SMURF2: variants seen among roughly 807,000 people sequenced by gnomAD.
SMURF2 encodes the protein E3 ubiquitin-protein ligase SMURF2.
Under a neutral mutation model 109.6 loss-of-function variants are expected in SMURF2, and 48 were observed. That is an observed-to-expected ratio of 0.44 (90% CI 0.35 to 0.56). The LOEUF (loss-of-function observed/expected upper bound fraction) is 0.56, where lower values mean the gene tolerates loss of function less well. Ranked by LOEUF, SMURF2 falls within the 20% of genes least tolerant of loss-of-function variation. The probability of loss-of-function intolerance (pLI) is 0.01; values close to 1 mark genes in which losing one functional copy is unlikely to be tolerated. For missense variants in SMURF2, 575 were observed against 909.0 expected (o/e 0.63, Z 4.72); for synonymous variants, 288 against 317.1 (o/e 0.91, Z 0.97).
chr17:64,645,363 G>A (rs1568208770), intron 1 of SMURF2, among the ~76,000 whole-genome samples: 1 of 152,146 alleles, frequency 6.6e-6, no homozygotes, highest in African/African-American at 2.4e-5. Flanking sequence ...GACCTCTTCC[G>A]GATTCTGATT....
chr17:64,633,643 A>C (rs1344714253), intron 1 of SMURF2, among the ~76,000 whole-genome samples: 1 of 152,196 alleles, frequency 6.6e-6, no homozygotes, highest in Non-Finnish European at 1.5e-5. Context: ...GAATTATCTT[A>C]CAACTTCAGT....
At chr17:64,649,152 A>G (rs1250218068) in intron 1 of SMURF2, among the ~76,000 whole-genome samples, 1 of 152,188 alleles carries the variant, frequency 6.6e-6, no homozygotes, top group Admixed American at 6.5e-5. Flanking sequence ...AGCTCACACT[A>G]AAGTATGATT....
chr17:64,545,716 T>TAAAA lies in SMURF2; in HGVS notation c.*128_*131dup, dbSNP rs1555683029. The TAAAA allele has an allele frequency of 1.5e-5, 2 of 134,534 alleles. No homozygotes were observed. Among genetic ancestry groups the TAAAA allele is most frequent in the Non-Finnish European group, 2.8e-5 (2 of 70,304 alleles). 8.3% of individuals were successfully genotyped at this position (134,534 alleles called of 1,614,324 possible). A position where few individuals can be genotyped will look rare whatever the true frequency, so the allele number is the denominator to read the frequency against. ...TTTCCCCTCACAGTGTCCTAAAATG[T>TAAAA]AAAAAAAAAAAAAAAAAGGGGGGGG... On this transcript the variant is annotated 3_prime_UTR_variant, in exon 19 of 19. Transcript: ENST00000262435.
intron 1 of SMURF2, among the ~76,000 whole-genome samples, chr17:64,620,051 C>G (rs868955320): frequency 1.3e-5 from 2 of 152,126 alleles, no homozygotes; most frequent in African/African-American, 4.8e-5. Context: ...ACCTGCTCTT[C>G]TTTTTGACCT....
At chr17:64,638,223 GC>G (rs1970449362) in intron 1 of SMURF2, among the ~76,000 whole-genome samples, 1 of 152,102 alleles carries the variant, frequency 6.6e-6, no homozygotes, top group African/African-American at 2.4e-5. Context: ...GTGCCACCAA[GC>G]CCGACTAATT....
intron 11 of SMURF2, among the ~76,000 whole-genome samples, chr17:64,562,312 A>AAAG (rs1568174944): frequency 6.7e-6 from 1 of 148,414 alleles, no homozygotes; most frequent in African/African-American, 2.5e-5. Context: ...AAAAAAAAAA[A>AAAG]AGAGAGAGAG....
chr17:64,661,613 A>C (rs368716405), intron 1 of SMURF2, among the ~76,000 whole-genome samples: 20 of 151,636 alleles, frequency 1.3e-4, no homozygotes, highest in African/African-American at 4.8e-4. Context: ...CCTCCACAAA[A>C]CACCACCCCC....
chr17:64,581,818 G>A lies in SMURF2; in HGVS notation c.570-827C>T, dbSNP rs1356863969. On this transcript the variant is annotated intron_variant, in intron 7 of 18. Coordinates refer to ENST00000262435, the MANE Select transcript of SMURF2 (RefSeq NM_022739.4). This position sits in a 1 kb window ranked among gnomAD's most constrained non-coding sequence, Gnocchi z 4.3. Reference sequence around the variant, plus strand: ...AAATTAGCCGGGTGTGGGGGCGGGCGCCTGTAGTCCCAGCTACTCGGGAGG... The same window carrying A: ...AAATTAGCCGGGTGTGGGGGCGGGCACCTGTAGTCCCAGCTACTCGGGAGG... Among the ~76,000 whole-genome samples the A allele has an allele frequency of 9.2e-5, 14 of 151,852 alleles. No homozygotes were observed. Among genetic ancestry groups the A allele is most frequent in the Admixed American group, 6.6e-4 (10 of 15,234 alleles).
At chr17:64,607,252 T>C (rs1555689135) in intron 1 of SMURF2, among the ~76,000 whole-genome samples, 1 of 152,154 alleles carries the variant, frequency 6.6e-6, no homozygotes, top group African/African-American at 2.4e-5. Flanking sequence ...ATTTTCCAAG[T>C]TAATATGCAT....
intron 1 of SMURF2, among the ~76,000 whole-genome samples, chr17:64,656,178 AAAAAC>A (rs376372187): frequency 1.8e-3 from 272 of 152,354 alleles, no homozygotes; most frequent in Non-Finnish European, 3.3e-3. Context: ...ATAGAATAGG[AAAAAC>A]AAAACAAAAG....
intron 1 of SMURF2, among the ~76,000 whole-genome samples, chr17:64,638,394 T>C (rs1970450988): frequency 1.3e-5 from 2 of 152,128 alleles, no homozygotes; most frequent in Admixed American, 6.6e-5. Context: ...AGAGACAGTG[T>C]TTCGTCATGT....
chr17:64,566,561 G>GTTTGGTTTTTTTTTTTTT (rs1969305868), intron 10 of SMURF2, among the ~76,000 whole-genome samples: 7 of 43,784 alleles, frequency 1.6e-4, no homozygotes, highest in East Asian at 9.0e-4. Context: ...AAGCTTTCTG[G>GTTTGGTTTTTTTTTTTTT]TTTTTTTTTT....
At chr17:64,659,661 A>G (rs543918252) in intron 1 of SMURF2, among the ~76,000 whole-genome samples, 1 of 152,230 alleles carries the variant, frequency 6.6e-6, no homozygotes, top group East Asian at 1.9e-4. Context: ...TTATCCAGTC[A>G]GTCAAAACAA....
At chr17:64,583,865 A>G (rs540141099) in intron 6 of SMURF2, among the ~76,000 whole-genome samples, 2 of 149,488 alleles carry the variant, frequency 1.3e-5, no homozygotes, top group Non-Finnish European at 2.9e-5. Flanking sequence ...CTAAGAATAT[A>G]TTTAACCATA....
chr17:64,550,564 G>T (rs1315770931), intron 16 of SMURF2, among the ~76,000 whole-genome samples: 10 of 152,102 alleles, frequency 6.6e-5, no homozygotes, highest in African/African-American at 2.4e-4. Context: ...TGGATTATTT[G>T]AGGTCAGGAG....
chr17:64,659,237 A>G (rs9915932), intron 1 of SMURF2, among the ~76,000 whole-genome samples: 20,384 of 152,114 alleles, frequency 0.13, 3,606 homozygotes, highest in African/African-American at 0.41. Flanking sequence ...TCCACAATAA[A>G]GTTATTATCA....
chr17:64,591,028 T>C (rs1330002007), intron 5 of SMURF2, 56 bp downstream of exon 5: 10 of 1,291,544 alleles, frequency 7.7e-6, no homozygotes, highest in African/African-American at 1.5e-5. Context: ...AAAGGTATTT[T>C]ACACTTTAGG....
chr17:64,602,748 G>T lies in SMURF2; in HGVS notation c.91+3854C>A, dbSNP rs565914011. On this transcript the variant is annotated intron_variant, in intron 2 of 18. Transcript: ENST00000262435. The stretch of plus-strand genomic sequence containing the variant: ...TCAAGACCATCCTGGCTAACACGGT[G>T]CAACCACATCTCTACTAAAAATACA... 2.5e-4 allele frequency among the ~76,000 whole-genome samples: 38 copies of T among 152,276 alleles called. No homozygotes were observed. The South Asian group carries it at 7.2e-3, about 29-fold the overall frequency.
chr17:64,580,766 T>C, intron 8 of SMURF2, 23 bp downstream of exon 8: 1 of 1,606,312 alleles, frequency 6.2e-7, no homozygotes, highest in South Asian at 1.1e-5. Context: ...CCACATTTTA[T>C]TTTTCCTTTG....
Sources: gnomAD v4.1 joint callset for allele counts (sites outside exome capture counted in the v4.1 genomes callset) on GRCh38, gnomAD v4.1.1 for gene constraint, Gnocchi (gnomAD v3.1) non-coding constraint, MANE v1.5 for transcripts, NCBI Gene and HGNC (gene_info 2026-07-23, HGNC 2026-07-21) for gene names.